RIMS2: variants seen among roughly 807,000 people sequenced by gnomAD.
RIMS2 encodes regulating synaptic membrane exocytosis protein 2.
In RIMS2, 59 loss-of-function variants were observed where a neutral mutation model predicts 174.4. The observed-to-expected ratio is 0.34, with a 90% confidence interval of 0.27 to 0.42. The LOEUF (loss-of-function observed/expected upper bound fraction) is 0.42, where lower values mean the gene tolerates loss of function less well. RIMS2 is among the 10% of genes least tolerant of loss of function. RIMS2 has a pLI of 1.00. For synonymous variants in RIMS2, 606 were observed against 572.5 expected (o/e 1.06, Z -0.84); for missense variants, 1,620 against 1,666.3 (o/e 0.97, Z 0.48).
chr8:103,700,272 T>C (rs2097152415), intron 2 of RIMS2, among the ~76,000 whole-genome samples: 1 of 152,124 alleles, frequency 6.6e-6, no homozygotes, highest in Non-Finnish European at 1.5e-5. Context: ...AACATTAGGA[T>C]TGTTATATCC....
At chr8:103,890,527 A>G (rs1300762073) in intron 4 of RIMS2, among the ~76,000 whole-genome samples, 5 of 152,038 alleles carry the variant, frequency 3.3e-5, no homozygotes, top group African/African-American at 1.2e-4. Flanking sequence ...AAGAAGCATT[A>G]GTTGTATTTA....
At chr8:103,573,832 T>A (rs77475063) in intron 1 of RIMS2, among the ~76,000 whole-genome samples, 9,944 of 152,268 alleles carry the variant, frequency 0.065, 397 homozygotes, top group South Asian at 0.088. Context: ...ATTCTTCCAA[T>A]TCATGAGCAT....
chr8:104,047,714 G>A (rs1371302523), intron 19 of RIMS2, among the ~76,000 whole-genome samples: 3 of 152,020 alleles, frequency 2.0e-5, no homozygotes, highest in Admixed American at 6.6e-5. Flanking sequence ...TTATTTCTAT[G>A]ATCTAGAATT....
intron 19 of RIMS2, among the ~76,000 whole-genome samples, chr8:104,159,621 A>G (rs1166084863): frequency 6.6e-5 from 10 of 152,036 alleles, no homozygotes; most frequent in Admixed American, 2.0e-4. Context: ...AGCCATTCTA[A>G]TGAGTATGAG....
intron 2 of RIMS2, among the ~76,000 whole-genome samples, chr8:103,716,877 C>T (rs917283498): frequency 2.0e-5 from 3 of 151,986 alleles, no homozygotes; most frequent in Non-Finnish European, 2.9e-5. Context: ...TGTATTCATA[C>T]TTTAAAATAC....
chr8:104,028,157 C>T (rs2096298001), intron 19 of RIMS2, among the ~76,000 whole-genome samples: 6 of 151,408 alleles, frequency 4.0e-5, no homozygotes, highest in African/African-American at 7.3e-5. Context: ...AGAAAGAGAA[C>T]CTATGTTGTC....
chr8:103,988,160 C>T (rs2094477445), intron 16 of RIMS2, among the ~76,000 whole-genome samples: 1 of 152,054 alleles, frequency 6.6e-6, no homozygotes, highest in Admixed American at 6.6e-5. Flanking sequence ...TAGGATGGAA[C>T]TTGAATAACA....
At chr8:103,736,511 A>G (rs1482224778) in intron 2 of RIMS2, among the ~76,000 whole-genome samples, 1 of 152,084 alleles carries the variant, frequency 6.6e-6, no homozygotes, top group Non-Finnish European at 1.5e-5. Context: ...ACAAAACTAT[A>G]TTCTGGTATT....
At chr8:103,955,224 G>C (rs534738176) in intron 14 of RIMS2, among the ~76,000 whole-genome samples, 1 of 152,276 alleles carries the variant, frequency 6.6e-6, no homozygotes, top group Non-Finnish European at 1.5e-5. Context: ...AGTAGAAAAA[G>C]AGGGAATCCT....
chr8:104,157,478 A>G (rs1285406395), intron 19 of RIMS2, among the ~76,000 whole-genome samples: 1 of 152,232 alleles, frequency 6.6e-6, no homozygotes, highest in Admixed American at 6.5e-5. Context: ...TTGTGCAACT[A>G]TCACCACAAT....
intron 1 of RIMS2, among the ~76,000 whole-genome samples, chr8:103,548,157 T>C (rs1450468594): frequency 6.6e-6 from 1 of 152,154 alleles, no homozygotes; most frequent in East Asian, 1.9e-4. Flanking sequence ...CCTTAACTCA[T>C]TCTATGAGGC....
chr8:104,093,920 T>C (rs2097708334), intron 19 of RIMS2, among the ~76,000 whole-genome samples: 1 of 152,004 alleles, frequency 6.6e-6, no homozygotes, highest in African/African-American at 2.4e-5. Context: ...TAAGACCTCT[T>C]ATATCTTTAT....
chr8:104,205,495 C>CTGTGTGTG (rs55980964), intron 19 of RIMS2, among the ~76,000 whole-genome samples: 49,428 of 150,886 alleles, frequency 0.33, 8,362 homozygotes, highest in East Asian at 0.61. Flanking sequence ...TGTGAAGTGT[C>CTGTGTGTG]TGTGTGTGTG....
At chr8:103,736,649 C>A (rs556403433) in intron 2 of RIMS2, among the ~76,000 whole-genome samples, 2 of 152,148 alleles carry the variant, frequency 1.3e-5, no homozygotes, top group South Asian at 4.1e-4. Flanking sequence ...ACGTTTGGCT[C>A]AAGTTTACTT....
intron 19 of RIMS2, among the ~76,000 whole-genome samples, chr8:104,121,967 AT>A (rs1398840552): frequency 6.6e-6 from 1 of 152,162 alleles, no homozygotes; most frequent in Non-Finnish European, 1.5e-5. Context: ...ATCTCAAAAA[AT>A]AAATAAAAAT....
intron 1 of RIMS2, among the ~76,000 whole-genome samples, chr8:103,610,134 G>A (rs562435059): frequency 6.6e-6 from 1 of 151,990 alleles, no homozygotes; most frequent in African/African-American, 2.4e-5. Flanking sequence ...TCTCTGCTTG[G>A]ACATTGTTGG....
At chr8:104,021,599 T>C (rs138459552) in intron 19 of RIMS2, among the ~76,000 whole-genome samples, 13 of 152,372 alleles carry the variant, frequency 8.5e-5, no homozygotes, top group Non-Finnish European at 1.6e-4. Context: ...CTCACTAGGC[T>C]AAATATTTTA....
At chr8:103,695,921 TA>T (rs1259291540) in intron 1 of RIMS2, among the ~76,000 whole-genome samples, 2 of 152,148 alleles carry the variant, frequency 1.3e-5, no homozygotes. Context: ...GAAGGCAGAC[TA>T]GGGGCATGTG....
chr8:103,640,425 T>G (rs1046736911), intron 1 of RIMS2, among the ~76,000 whole-genome samples: 2 of 151,992 alleles, frequency 1.3e-5, no homozygotes, highest in African/African-American at 2.4e-5. Context: ...TGCTTAGATT[T>G]TATTTTCTTT....
Sources: gnomAD v4.1 joint callset for allele counts (sites outside exome capture counted in the v4.1 genomes callset) on GRCh38, gnomAD v4.1.1 for gene constraint, MANE v1.5 for transcripts, NCBI Gene and HGNC (gene_info 2026-07-23, HGNC 2026-07-21) for gene names.